PCSK5: variants seen among roughly 807,000 people sequenced by gnomAD.
PCSK5 encodes the protein prohormone convertase 5.
In PCSK5, 129 loss-of-function variants were observed where a neutral mutation model predicts 233.2. That is an observed-to-expected ratio of 0.55 (90% confidence interval 0.48 to 0.64). The LOEUF (loss-of-function observed/expected upper bound fraction) is 0.64, where lower values mean the gene tolerates loss of function less well. Ranked by LOEUF, PCSK5 falls within the 30% of genes least tolerant of loss-of-function variation. The pLI is 0.00. For missense variants in PCSK5, 2,076 were observed against 2,430.1 expected, an observed-to-expected ratio of 0.85 and a Z score of 3.06; for synonymous variants, 825 against 879.2, an observed-to-expected ratio of 0.94 and a Z score of 1.09.
intron 8 of PCSK5, among the ~76,000 whole-genome samples, chr9:76,097,253 T>TTTTC (rs1216100289): frequency 0.014 from 1,650 of 119,832 alleles, 51 homozygotes; most frequent in Non-Finnish European, 0.022. Flanking sequence ...TTTCTTTTTT[T>TTTTC]TTTTTTTTTT....
intron 24 of PCSK5, among the ~76,000 whole-genome samples, chr9:76,259,330 G>T (rs1827087636): frequency 6.6e-6 from 1 of 151,966 alleles, no homozygotes; most frequent in South Asian, 2.1e-4. Context: ...CCCTCTACTT[G>T]GAATGTTTTT....
chr9:75,911,146 A>C lies in PCSK5; in HGVS notation c.192+19773A>C, dbSNP rs141432786. On this transcript the variant is annotated intron_variant, in intron 1 of 37. Transcript: ENST00000674117. The stretch of plus-strand genomic sequence containing the variant: ...TTGTAAAGTCTTAGGCAAGTTAGGC[A>C]TCATGAAACAAGAACTATTTTGAAA... 5.9e-4 allele frequency among the ~76,000 whole-genome samples: 88 copies of C among 148,924 alleles called. 1 individual carries two copies. Among genetic ancestry groups the C allele is most frequent in the African/African-American group, 2.1e-3 (84 of 40,294 alleles).
chr9:75,935,160 C>T (rs988224835), intron 2 of PCSK5, among the ~76,000 whole-genome samples: 3 of 152,086 alleles, frequency 2.0e-5, no homozygotes, highest in Non-Finnish European at 4.4e-5. Flanking sequence ...CGCTGTCTCC[C>T]GTTTTCAAGC....
intron 21 of PCSK5, among the ~76,000 whole-genome samples, chr9:76,229,914 T>C (rs186464831): frequency 1.3e-5 from 2 of 152,268 alleles, no homozygotes; most frequent in Admixed American, 1.3e-4. Flanking sequence ...CTGGCATGAG[T>C]TGGGGAAAGA....
At chr9:76,130,394 A>G (rs976027490) in intron 9 of PCSK5, among the ~76,000 whole-genome samples, 4 of 152,180 alleles carry the variant, frequency 2.6e-5, no homozygotes, top group Non-Finnish European at 4.4e-5. Flanking sequence ...ATAGTGTTAT[A>G]TGGTGATTGA....
intron 20 of PCSK5, among the ~76,000 whole-genome samples, chr9:76,215,917 T>A (rs1303738208): frequency 1.3e-5 from 2 of 151,636 alleles, no homozygotes; most frequent in African/African-American, 4.9e-5. Context: ...CCAGCCTGGG[T>A]GACAAAGCAT....
At chr9:75,997,711 C>T (rs1188852322) in intron 3 of PCSK5, among the ~76,000 whole-genome samples, 2 of 152,068 alleles carry the variant, frequency 1.3e-5, no homozygotes, top group Non-Finnish European at 2.9e-5. Flanking sequence ...ATGATATGGA[C>T]AGTCAAAAAT....
At chr9:76,148,040 T>G (rs1347257165) in intron 10 of PCSK5, among the ~76,000 whole-genome samples, 2 of 152,044 alleles carry the variant, frequency 1.3e-5, no homozygotes, top group Non-Finnish European at 1.5e-5. Flanking sequence ...TTTCCTTAGT[T>G]CATTCAGTCC....
chr9:75,971,200 C>T (rs188541786), intron 2 of PCSK5, among the ~76,000 whole-genome samples: 17 of 151,882 alleles, frequency 1.1e-4, no homozygotes, highest in African/African-American at 3.1e-4. Context: ...TTTCTGTTCC[C>T]GTGTTTGTTT....
At chr9:75,896,772 A>G (rs577741287) in intron 1 of PCSK5, among the ~76,000 whole-genome samples, 3 of 152,352 alleles carry the variant, frequency 2.0e-5, no homozygotes, top group African/African-American at 7.2e-5. Context: ...TGTGTAATAT[A>G]TGTACATATG....
At chr9:76,308,276 T>C (rs1375405817) in intron 28 of PCSK5, among the ~76,000 whole-genome samples, 2 of 152,228 alleles carry the variant, frequency 1.3e-5, no homozygotes, top group East Asian at 1.9e-4. Context: ...CATAAACTCA[T>C]TCACAAGTGC....
At chr9:76,032,956 A>G (rs1828709614) in intron 5 of PCSK5, among the ~76,000 whole-genome samples, 1 of 152,242 alleles carries the variant, frequency 6.6e-6, no homozygotes, top group Non-Finnish European at 1.5e-5. Context: ...TCTGGGTTAA[A>G]GACTTGTTTT....
At chr9:75,902,635 G>A (rs894944391) in intron 1 of PCSK5, among the ~76,000 whole-genome samples, 3 of 152,226 alleles carry the variant, frequency 2.0e-5, no homozygotes, top group Non-Finnish European at 4.4e-5. Flanking sequence ...GGGTTGGAAA[G>A]AGTCAAGAAA....
chr9:76,083,858 A>C (rs1362202779), intron 7 of PCSK5, among the ~76,000 whole-genome samples: 1 of 152,244 alleles, frequency 6.6e-6, no homozygotes, highest in Non-Finnish European at 1.5e-5. Context: ...ATCATAATAA[A>C]CTTAACTAAT....
At chr9:76,201,354 A>G (rs767485564) in intron 20 of PCSK5, among the ~76,000 whole-genome samples, 6 of 152,198 alleles carry the variant, frequency 3.9e-5, no homozygotes, top group Non-Finnish European at 8.8e-5. Flanking sequence ...TGGGTTATTT[A>G]ATTCAGTACT....
chr9:76,286,011 G>A (rs1828051951), intron 24 of PCSK5, among the ~76,000 whole-genome samples: 1 of 152,180 alleles, frequency 6.6e-6, no homozygotes. Flanking sequence ...TTCTGATAAT[G>A]TGAATTTAAA....
intron 2 of PCSK5, among the ~76,000 whole-genome samples, chr9:75,946,498 A>G (rs191618720): frequency 6.6e-6 from 1 of 152,312 alleles, no homozygotes; most frequent in East Asian, 1.9e-4. Flanking sequence ...TGATTTTACT[A>G]TTAGTCCATG....
chr9:76,115,705 A>G (rs1330580179), intron 9 of PCSK5, among the ~76,000 whole-genome samples: 1 of 152,104 alleles, frequency 6.6e-6, no homozygotes, highest in Non-Finnish European at 1.5e-5. Context: ...CTACTTAATC[A>G]CTTTAGTCAA....
At position 76,233,696 on chromosome 9, in the gene PCSK5, G is replaced by A. The variant is rs564207354; in HGVS notation, c.2866+100G>A. 7 of 1,087,316 alleles carry A rather than the reference G, an allele frequency of 6.4e-6. No homozygotes were observed. The African/African-American group carries it at 9.3e-5, about 14-fold the overall frequency. The allele number at this position is 1,087,316 out of a possible 1,614,324, so 67.4% of individuals were successfully genotyped here. A position where few individuals can be genotyped will look rare whatever the true frequency, so the allele number is the denominator to read the frequency against. On this transcript the variant is annotated intron_variant, in intron 22 of 37. Transcript: ENST00000674117. Reference sequence around the variant, plus strand: ...CCAAAAGCCTTGTGTCTGGGGCTGAGGGTTAAGATCAGACAGCTGTTCACT... The same window carrying A: ...CCAAAAGCCTTGTGTCTGGGGCTGAAGGTTAAGATCAGACAGCTGTTCACT...
Sources: gnomAD v4.1 joint callset for allele counts (sites outside exome capture counted in the v4.1 genomes callset) on GRCh38, gnomAD v4.1.1 for gene constraint, MANE v1.5 for transcripts, NCBI Gene and HGNC (gene_info 2026-07-23, HGNC 2026-07-21) for gene names.